IMPACT: variants seen among roughly 807,000 people sequenced by gnomAD.
IMPACT encodes the protein protein IMPACT.
IMPACT carries 35 observed loss-of-function variants against 47.5 expected under a neutral mutation model. The observed-to-expected ratio is 0.74, with a 90% CI of 0.56 to 0.98. IMPACT has a LOEUF of 0.98. Among genes scored for constraint, IMPACT ranks in the 50% least tolerant of loss-of-function variants. The pLI, the probability that IMPACT is intolerant of heterozygous loss-of-function variation, is 0.00. For synonymous variants in IMPACT, 118 were observed against 125.6 expected, an observed-to-expected ratio of 0.94 and a Z score of 0.40; for missense variants, 373 against 394.8, an observed-to-expected ratio of 0.94 and a Z score of 0.47.
At chr18:24,428,129 T>G (rs1908662072) in intron 2 of IMPACT, 82 bp downstream of exon 2, 2 of 1,264,158 alleles carry the variant, frequency 1.6e-6, no homozygotes, top group South Asian at 1.7e-5. Flanking sequence ...AATGATTGTG[T>G]TGTTTTCTAA....
chr18:24,450,071 G>T, intron 10 of IMPACT, 118 bp downstream of exon 10: 1 of 1,099,170 alleles, frequency 9.1e-7, no homozygotes, highest in South Asian at 1.4e-5. Context: ...AAAACCTTTG[G>T]ACTCAGAACC....
At chr18:24,438,097 G>A in intron 5 of IMPACT, 57 bp downstream of exon 5, 2 of 766,134 alleles carry the variant, frequency 2.6e-6, no homozygotes, top group Non-Finnish European at 4.4e-6. Flanking sequence ...ACATTTTTAT[G>A]TAGATACTCT....
At chr18:24,434,925 TAA>T in intron 4 of IMPACT, among the ~76,000 whole-genome samples, 1 of 132,280 alleles carries the variant, frequency 7.6e-6, no homozygotes, top group Non-Finnish European at 1.6e-5. Context: ...TATATATATA[TAA>T]AAGCTAGGAT....
intron 7 of IMPACT, 33 bp from the exon 8 acceptor site, chr18:24,445,360 A>G (rs1909222515): frequency 2.4e-6 from 3 of 1,255,696 alleles, no homozygotes; most frequent in Admixed American, 4.0e-5. Context: ...AAATATAAAA[A>G]GCATACTTAT....
chr18:24,440,747 GATTA>G, intron 6 of IMPACT, 129 bp downstream of exon 6: 4 of 951,544 alleles, frequency 4.2e-6, no homozygotes, highest in Non-Finnish European at 5.8e-6. Flanking sequence ...TTGCAGATAA[GATTA>G]ATTTTTTCCT....
chr18:24,443,788 A>G (rs990350274), intron 7 of IMPACT, among the ~76,000 whole-genome samples: 1 of 152,208 alleles, frequency 6.6e-6, no homozygotes, highest in African/African-American at 2.4e-5. Flanking sequence ...GGTTTCAGCC[A>G]TAAACTATTC....
At chr18:24,431,380 A>G (rs936054144) in intron 4 of IMPACT, among the ~76,000 whole-genome samples, 3 of 152,152 alleles carry the variant, frequency 2.0e-5, no homozygotes, top group Admixed American at 2.0e-4. Context: ...TGGAGGGAAT[A>G]TGGTAGGAAA....
At chr18:24,434,221 G>GTGC (rs1908844247) in intron 4 of IMPACT, among the ~76,000 whole-genome samples, 1 of 151,954 alleles carries the variant, frequency 6.6e-6, no homozygotes, top group African/African-American at 2.4e-5. Context: ...GTGATGGGGC[G>GTGC]TGCCTGTAAT....
At chr18:24,446,225 G>A (rs770105540) in intron 8 of IMPACT, among the ~76,000 whole-genome samples, 19 of 152,004 alleles carry the variant, frequency 1.2e-4, no homozygotes, top group Non-Finnish European at 2.1e-4. Flanking sequence ...CACCATGCCC[G>A]GCATAATTTT....
chr18:24,446,790 A>G (rs184194823), intron 8 of IMPACT, among the ~76,000 whole-genome samples: 8 of 152,322 alleles, frequency 5.3e-5, no homozygotes, highest in Admixed American at 1.3e-4. Flanking sequence ...ATGGCCTTCA[A>G]TAGGAAAATG....
At position 24,428,059 on chromosome 18, in the gene IMPACT, CCCTT is replaced by C. The variant is rs1447887563; in HGVS notation, c.165+17_165+20del. The C allele has an allele frequency of 1.7e-5, 27 of 1,564,564 alleles. No homozygotes were observed. Among genetic ancestry groups the C allele is most frequent in the Non-Finnish European group, 2.3e-5 (27 of 1,162,270 alleles). On this transcript the variant is annotated intron_variant, in intron 2 of 10. Coordinates refer to ENST00000284202, the MANE Select transcript of IMPACT (RefSeq NM_018439.4). ...CACTTTGCTTGCAGGTACTTTTTCC[CCCTT>C]CCTTGCAGCCATCTTTCAGTTACAG... is the stretch of plus-strand genomic sequence containing the variant.
At position 24,427,969 on chromosome 18, in the gene IMPACT, C is replaced by T. The variant is rs1908657159; in HGVS notation, c.87C>T (p.Val29=). 6.2e-7 allele frequency: 1 copy of T among 1,602,994 alleles called. No homozygotes were observed. Among genetic ancestry groups the T allele is most frequent in the Non-Finnish European group, 8.5e-7 (1 of 1,176,866 alleles). ...MAAIYGEEWC[V]IDDCAKIFCI... is the part of the protein sequence containing the mutation. ...CCATTTATGGCGAGGAGTGGTGTGT[C>T]ATTGATGACTGTGCCAAAATATTTT... Residue 29 remains valine (V), a synonymous_variant, in exon 2 of 11, where the codon GTC becomes GTT. Coordinates refer to ENST00000284202, the MANE Select transcript of IMPACT (RefSeq NM_018439.4).
chr18:24,440,529 A>T lies in IMPACT; in HGVS notation c.401A>T (p.Asp134Val). The T allele has an allele frequency of 2.5e-6, 4 of 1,613,250 alleles. No individual in the cohort carries two copies. The South Asian group carries it at 3.3e-5, about 13-fold the overall frequency. ...PDVKKKTEEE[D>V]VECEDDLILA... ...GTAAAGAAGAAAACTGAAGAGGAAG[A>T]TGTTGAATGTGAAGATGATCTCATT... Residue 134 changes from aspartate to valine, a missense_variant, in exon 6 of 11, where the codon GAT becomes GTT. Transcript: ENST00000284202.
At chr18:24,449,177 A>G (rs542096291) in intron 9 of IMPACT, among the ~76,000 whole-genome samples, 3 of 152,184 alleles carry the variant, frequency 2.0e-5, no homozygotes, top group Non-Finnish European at 1.5e-5. Flanking sequence ...CCTGGGCAAC[A>G]TGGTGAAACC....
At chr18:24,441,228 T>C (rs1475618940) in intron 6 of IMPACT, among the ~76,000 whole-genome samples, 1 of 152,192 alleles carries the variant, frequency 6.6e-6, no homozygotes, top group Non-Finnish European at 1.5e-5. Context: ...AGAGTCTTGC[T>C]CTGTTGCCCG....
intron 4 of IMPACT, among the ~76,000 whole-genome samples, chr18:24,434,186 T>C (rs1908842544): frequency 6.6e-6 from 1 of 151,546 alleles, no homozygotes; most frequent in Non-Finnish European, 1.5e-5. Context: ...TCTATAGAAA[T>C]TAAAAACATA....
In IMPACT at chr18:24,440,581, T is replaced by G. The variant is rs760059083; in HGVS notation, c.453T>G (p.Leu151=). The part of the protein sequence containing the change: ...LILACQPESS[L]KALDFDISET... ...TAGCATGTCAGCCGGAAAGTTCGCT[T>G]AAAGCATTGGATTTTGATATCAGTG... is the stretch of plus-strand genomic sequence containing the variant. The change falls in exon 6 of 11, where the codon CTT becomes CTG. Residue 151 remains leucine (L), a synonymous_variant. Transcript: ENST00000284202. 59 of 1,613,198 alleles carry G rather than the reference T, an allele frequency of 3.7e-5. No individual in the cohort carries two copies. The highest frequency in any genetic ancestry group is 4.7e-5 in the Non-Finnish European group (56 of 1,179,538).
intron 5 of IMPACT, 90 bp from the exon 6 acceptor site, chr18:24,440,406 G>A (rs1909069685): frequency 7.4e-7 from 1 of 1,348,736 alleles, no homozygotes. Flanking sequence ...TTGAAGAGTG[G>A]TATTTAGAAC....
chr18:24,429,215 C>T (rs1438753238), intron 3 of IMPACT, among the ~76,000 whole-genome samples: 2 of 152,070 alleles, frequency 1.3e-5, no homozygotes, highest in Non-Finnish European at 2.9e-5. Flanking sequence ...ATCTAGCAAC[C>T]TTGGCCCTTA....
Sources: allele counts gnomAD v4.1 joint callset (sites outside exome capture counted in the v4.1 genomes callset), GRCh38; gene constraint gnomAD v4.1.1; transcripts MANE v1.5; gene names NCBI Gene and HGNC (gene_info 2026-07-23, HGNC 2026-07-21).